Variants in MACROD2 observed in about 807,000 individuals in gnomAD.
MACROD2 encodes ADP-ribose glycohydrolase MACROD2.
MACROD2 carries 36 observed loss-of-function variants against 70.4 expected under a neutral mutation model. That is an observed-to-expected ratio of 0.51 (90% confidence interval 0.39 to 0.68). The LOEUF (loss-of-function observed/expected upper bound fraction) is 0.68. Among genes scored for constraint, MACROD2 ranks in the 30% least tolerant of loss-of-function variants. The probability of loss-of-function intolerance (pLI) is 0.00; values close to 1 mark genes in which losing one functional copy is unlikely to be tolerated. For missense variants in MACROD2, 496 were observed against 538.4 expected (o/e 0.92, Z 0.78); for synonymous variants, 172 against 178.8 (o/e 0.96, Z 0.30).
At chr20:14,699,732 A>G (rs958079073) in intron 5 of MACROD2, among the ~76,000 whole-genome samples, 9 of 152,300 alleles carry the variant, frequency 5.9e-5, no homozygotes, top group East Asian at 1.9e-4. Context: ...CTTTTCCTCA[A>G]GCATCAACTT....
At chr20:14,666,127 C>T (rs1600516437) in intron 4 of MACROD2, among the ~76,000 whole-genome samples, 1 of 152,088 alleles carries the variant, frequency 6.6e-6, no homozygotes. Flanking sequence ...GCCTCCTGCT[C>T]CTCCCCTTGA....
chr20:14,272,118 C>T (rs1046935055), intron 3 of MACROD2, among the ~76,000 whole-genome samples: 2 of 152,042 alleles, frequency 1.3e-5, no homozygotes, highest in Non-Finnish European at 2.9e-5. Flanking sequence ...GGCAGGCCAA[C>T]ATTCAGATTC....
chr20:15,555,947 A>T (rs906699998), intron 8 of MACROD2, among the ~76,000 whole-genome samples: 3 of 152,128 alleles, frequency 2.0e-5, no homozygotes, highest in South Asian at 4.2e-4. Context: ...AATGAAGAAC[A>T]TGTTTATTTG....
chr20:14,437,952 A>G (rs904358449), intron 3 of MACROD2, among the ~76,000 whole-genome samples: 7 of 152,216 alleles, frequency 4.6e-5, no homozygotes, highest in Non-Finnish European at 8.8e-5. Context: ...TACAGTGACA[A>G]GAACAGCTAT....
chr20:15,227,131 G>T (rs976301533), intron 5 of MACROD2, among the ~76,000 whole-genome samples: 34 of 152,194 alleles, frequency 2.2e-4, no homozygotes, highest in African/African-American at 8.2e-4. Context: ...TAAATACAAA[G>T]ATCAATATTT....
rs113352953 is a variant in MACROD2, at chr20:15,931,342, G to T, written c.776-1934G>T. On this transcript the variant is annotated intron_variant, in intron 10 of 17. Transcript: ENST00000684519. ...TAAGTGGCATGCAGAGCCACCCCAG[G>T]TTCTCATATTATATTCAGGCCAGGT... Among the ~76,000 whole-genome samples, 94 of 152,186 alleles carry T rather than the reference G, an allele frequency of 6.2e-4. 1 individual carries two copies. Among genetic ancestry groups the T allele is most frequent in the African/African-American group, 2.2e-3 (90 of 41,526 alleles).
intron 8 of MACROD2, among the ~76,000 whole-genome samples, chr20:15,674,422 C>T (rs1020685229): frequency 6.6e-6 from 1 of 152,028 alleles, no homozygotes; most frequent in Non-Finnish European, 1.5e-5. Flanking sequence ...ATCTCAACCA[C>T]TTTTATGAAA....
At chr20:15,855,169 A>G (rs1423086234) in intron 8 of MACROD2, among the ~76,000 whole-genome samples, 2 of 152,200 alleles carry the variant, frequency 1.3e-5, no homozygotes, top group East Asian at 1.9e-4. Flanking sequence ...CAGCTGCCCT[A>G]TGACTGGTGG....
At chr20:14,119,536 A>T (rs1204067170) in intron 3 of MACROD2, among the ~76,000 whole-genome samples, 1 of 152,118 alleles carries the variant, frequency 6.6e-6, no homozygotes, top group Non-Finnish European at 1.5e-5. Flanking sequence ...TTTCTGTAAC[A>T]TTCCTGGATT....
At chr20:14,495,506 C>T (rs1395249823) in intron 4 of MACROD2, among the ~76,000 whole-genome samples, 1 of 152,274 alleles carries the variant, frequency 6.6e-6, no homozygotes, top group Non-Finnish European at 1.5e-5. Flanking sequence ...AGAAGCAATG[C>T]ACTCATCAGA....
intron 9 of MACROD2, among the ~76,000 whole-genome samples, chr20:15,882,994 T>A (rs1359037157): frequency 6.6e-6 from 1 of 151,910 alleles, no homozygotes; most frequent in East Asian, 1.9e-4. Context: ...GGAATGTATT[T>A]GCATGTCTTG....
At chr20:14,035,200 C>G (rs1269451022) in intron 2 of MACROD2, among the ~76,000 whole-genome samples, 4 of 152,126 alleles carry the variant, frequency 2.6e-5, no homozygotes, top group Non-Finnish European at 4.4e-5. Context: ...TGCTATTTCT[C>G]TTTCTTTTCC....
At chr20:15,882,864 A>G (rs2064774351) in intron 9 of MACROD2, among the ~76,000 whole-genome samples, 1 of 152,048 alleles carries the variant, frequency 6.6e-6, no homozygotes, top group African/African-American at 2.4e-5. Context: ...AGGACAGTCT[A>G]TGTAGTTCAA....
chr20:15,272,308 A>C (rs1459816962), intron 6 of MACROD2, among the ~76,000 whole-genome samples: 1 of 152,192 alleles, frequency 6.6e-6, no homozygotes, highest in Admixed American at 6.5e-5. Context: ...AAATATTGGA[A>C]AGTTTCCCAA....
chr20:14,841,549 G>A (rs993920601), intron 5 of MACROD2, among the ~76,000 whole-genome samples: 6 of 151,508 alleles, frequency 4.0e-5, no homozygotes, highest in African/African-American at 1.5e-4. Flanking sequence ...AATATAGAAA[G>A]GCAGCCCTTG....
chr20:15,009,902 TC>T (rs1206363835), intron 5 of MACROD2, among the ~76,000 whole-genome samples: 4 of 152,082 alleles, frequency 2.6e-5, no homozygotes, highest in Non-Finnish European at 5.9e-5. Context: ...CTCTCTTCTT[TC>T]CCAGATATAT....
intron 3 of MACROD2, among the ~76,000 whole-genome samples, chr20:14,226,488 C>T (rs544792486): frequency 1.0e-3 from 157 of 152,294 alleles, no homozygotes; most frequent in African/African-American, 3.7e-3. Context: ...CCGGCTCCCT[C>T]AGCTTGCAGG....
chr20:14,906,068 TAAGA>T (rs1463481024), intron 5 of MACROD2: 1 of 152,162 alleles, frequency 6.6e-6, no homozygotes, highest in Non-Finnish European at 1.5e-5. Context: ...GAGGAACAAA[TAAGA>T]AAGAATTACT....
intron 7 of MACROD2, among the ~76,000 whole-genome samples, chr20:15,492,396 C>CGT (rs1009501395): frequency 1.2e-3 from 176 of 152,120 alleles, no homozygotes; most frequent in African/African-American, 4.1e-3. Flanking sequence ...GTAGGGTGTG[C>CGT]GTGTGTGTGT....
Sources: gnomAD v4.1 joint callset for allele counts (sites outside exome capture counted in the v4.1 genomes callset) on GRCh38, gnomAD v4.1.1 for gene constraint, MANE v1.5 for transcripts, NCBI Gene and HGNC (gene_info 2026-07-23, HGNC 2026-07-21) for gene names.